The following HECW2 variants were observed in gnomAD, a reference collection of about 807,000 sequenced individuals.
HECW2 encodes HECT, C2 and WW domain containing E3 ubiquitin protein ligase 2.
A neutral mutation model predicts 175.2 loss-of-function variants in HECW2; 61 were observed. The observed-to-expected ratio is 0.35, with a 90% CI of 0.28 to 0.43. The LOEUF (loss-of-function observed/expected upper bound fraction) is 0.43, where lower values mean the gene tolerates loss of function less well. HECW2 is among the 20% of genes least tolerant of loss of function. HECW2 has a pLI of 1.00. For missense variants in HECW2, 1,524 were observed against 2,000.5 expected, an observed-to-expected ratio of 0.76 and a Z score of 4.54; for synonymous variants, 671 against 731.0, an observed-to-expected ratio of 0.92 and a Z score of 1.32.
At position 196,222,360 on chromosome 2, in the gene HECW2, G is replaced by C; in HGVS notation, c.4017-20C>G. On this transcript the variant is annotated intron_variant, in intron 23 of 28. Transcript: ENST00000644978. ...CATAGACTAAGATGACAAACAGACA[G>C]AAACAAATATGTAGGCATGGCTATT... 1 of 1,609,554 alleles carries C rather than the reference G, an allele frequency of 6.2e-7. No homozygotes were observed. The highest frequency in any genetic ancestry group is 8.5e-7 in the Non-Finnish European group (1 of 1,177,900).
intron 2 of HECW2, among the ~76,000 whole-genome samples, chr2:196,361,026 T>G (rs1386438521): frequency 6.6e-6 from 1 of 152,136 alleles, no homozygotes; most frequent in South Asian, 2.1e-4. Context: ...AAAATGAACA[T>G]CACCACCCCT....
At chr2:196,215,185 C>G (rs1423923399) in intron 28 of HECW2, among the ~76,000 whole-genome samples, 6 of 152,176 alleles carry the variant, frequency 3.9e-5, no homozygotes, top group Non-Finnish European at 5.9e-5. Context: ...CAATCTCAAA[C>G]ACTTTTTGTA....
intron 1 of HECW2, among the ~76,000 whole-genome samples, chr2:196,571,786 C>G (rs1690398908): frequency 6.6e-6 from 1 of 152,104 alleles, no homozygotes; most frequent in Non-Finnish European, 1.5e-5. Context: ...ACCAATCATA[C>G]ACCCAAAAGA....
intron 18 of HECW2, among the ~76,000 whole-genome samples, chr2:196,256,820 C>T (rs578153036): frequency 1.3e-5 from 2 of 152,328 alleles, no homozygotes; most frequent in African/African-American, 4.8e-5. Context: ...TGAGAAGCTA[C>T]CCCCACCATA....
Position 196,570,351 on chromosome 2 carries a change from T to G in HECW2, c.-36+23157A>C, listed in dbSNP as rs377385627. Reference sequence around the variant, plus strand: ...CAGCTACCTTCTGAATTCACAAATTTATCGACGTCAGAGTCATAAATCAAG... The same window carrying G: ...CAGCTACCTTCTGAATTCACAAATTGATCGACGTCAGAGTCATAAATCAAG... On this transcript the variant is annotated intron_variant, in intron 1 of 28. Transcript: ENST00000644978. Among the ~76,000 whole-genome samples, 4 of 152,244 alleles carry G rather than the reference T, an allele frequency of 2.6e-5. No individual in the cohort carries two copies. The South Asian group carries it at 6.2e-4, about 24-fold the overall frequency.
rs147354129 is a variant in HECW2 at position 196,474,565 on chromosome 2, C to A, written c.-35-41107G>T. ...TTGGACACCAGCTCAGAAAATCTCA[C>A]TAAAGGTCACAGGCCTTTAGTAGAC... is the stretch of plus-strand genomic sequence containing the variant. On this transcript the variant is annotated intron_variant, in intron 1 of 28. Transcript: ENST00000644978. 3.5e-3 allele frequency among the ~76,000 whole-genome samples: 528 copies of A among 152,318 alleles called. 3 individuals carry two copies. The highest frequency in any genetic ancestry group is 6.0e-3 in the Non-Finnish European group (409 of 68,026).
chr2:196,219,982 C>T, intron 26 of HECW2, 57 bp downstream of exon 26: 1 of 1,148,934 alleles, frequency 8.7e-7, no homozygotes, highest in Non-Finnish European at 1.3e-6. Context: ...GCAAGCTGAA[C>T]CATGCCTTCC....
At chr2:196,349,520 C>CGTGTGTGT (rs59562899) in intron 2 of HECW2, among the ~76,000 whole-genome samples, 10 of 150,932 alleles carry the variant, frequency 6.6e-5, no homozygotes, top group African/African-American at 1.9e-4. Flanking sequence ...AAAAGTGAAA[C>CGTGTGTGT]GTGTGTGTGT....
At chr2:196,506,705 G>A (rs1318629456) in intron 1 of HECW2, among the ~76,000 whole-genome samples, 4 of 151,632 alleles carry the variant, frequency 2.6e-5, no homozygotes, top group African/African-American at 9.7e-5. Flanking sequence ...AGCCAAAAAT[G>A]TATTACTATC....
chr2:196,225,145 A>C (rs931437538), intron 23 of HECW2, among the ~76,000 whole-genome samples: 1 of 152,244 alleles, frequency 6.6e-6, no homozygotes, highest in African/African-American at 2.4e-5. Flanking sequence ...TAGGACAGAA[A>C]CAATTAGCCC....
chr2:196,463,827 G>C (rs1696840392), intron 1 of HECW2, among the ~76,000 whole-genome samples: 1 of 152,084 alleles, frequency 6.6e-6, no homozygotes, highest in Non-Finnish European at 1.5e-5. Flanking sequence ...AATCCACAGG[G>C]GCAACGAGCC....
intron 2 of HECW2, among the ~76,000 whole-genome samples, chr2:196,359,447 A>AAAACAAACAAAC (rs202003088): frequency 6.6e-6 from 1 of 151,694 alleles, no homozygotes; most frequent in Non-Finnish European, 1.5e-5. Flanking sequence ...ACTCCATCTT[A>AAAACAAACAAAC]AAACAAACAA....
intron 19 of HECW2, among the ~76,000 whole-genome samples, chr2:196,249,585 G>T (rs1688782109): frequency 6.7e-6 from 1 of 148,694 alleles, no homozygotes; most frequent in Non-Finnish European, 1.5e-5. Context: ...TAGTCACAAG[G>T]AGGATCAGAC....
At chr2:196,477,922 C>T (rs540350382) in intron 1 of HECW2, among the ~76,000 whole-genome samples, 7 of 152,146 alleles carry the variant, frequency 4.6e-5, no homozygotes, top group African/African-American at 1.7e-4. Flanking sequence ...CATGGTGGCA[C>T]GTGCCTGTAA....
intron 2 of HECW2, among the ~76,000 whole-genome samples, chr2:196,363,757 G>A (rs533610743): frequency 6.6e-4 from 100 of 152,308 alleles, no homozygotes; most frequent in African/African-American, 2.3e-3. Flanking sequence ...CCAGGAGTTT[G>A]AGGCTACAGT....
intron 1 of HECW2, among the ~76,000 whole-genome samples, chr2:196,520,758 C>T (rs1183431130): frequency 6.6e-6 from 1 of 152,144 alleles, no homozygotes; most frequent in Non-Finnish European, 1.5e-5. Context: ...CATATATCAA[C>T]GTTCCACAGT....
At chr2:196,383,070 C>G (rs1179881954) in intron 2 of HECW2, among the ~76,000 whole-genome samples, 1 of 151,994 alleles carries the variant, frequency 6.6e-6, no homozygotes, top group Non-Finnish European at 1.5e-5. Flanking sequence ...AGAAAGATAA[C>G]AAAGATAGGA....
At chr2:196,464,339 C>T (rs928635331) in intron 1 of HECW2, among the ~76,000 whole-genome samples, 12 of 152,106 alleles carry the variant, frequency 7.9e-5, no homozygotes, top group African/African-American at 1.2e-4. Context: ...TCAATAGTAA[C>T]GCTGGGAGTT....
intron 15 of HECW2, among the ~76,000 whole-genome samples, chr2:196,276,559 T>C (rs1689964496): frequency 6.6e-6 from 1 of 152,196 alleles, no homozygotes; most frequent in South Asian, 2.1e-4. Context: ...GGCTATGCAA[T>C]AAAATATCAG....
Sources: allele counts gnomAD v4.1 joint callset (sites outside exome capture counted in the v4.1 genomes callset), GRCh38; gene constraint gnomAD v4.1.1; transcripts MANE v1.5; gene names NCBI Gene and HGNC (gene_info 2026-07-23, HGNC 2026-07-21).